The following SLC44A3 variants were observed in gnomAD, a reference collection of about 807,000 sequenced individuals.
The protein encoded by SLC44A3 is choline transporter-like protein 3.
SLC44A3 carries 74 observed loss-of-function variants against 75.4 expected under a neutral mutation model. The ratio of observed to expected loss-of-function variants is 0.98; its 90% CI spans 0.81 to 1.19. The LOEUF (loss-of-function observed/expected upper bound fraction) is 1.19, where lower values mean the gene tolerates loss of function less well. Among genes scored for constraint, SLC44A3 ranks in the 50% most tolerant of loss-of-function variants. The pLI is 0.00. For synonymous variants in SLC44A3, 310 were observed against 296.9 expected (o/e 1.04, Z -0.45); for missense variants, 700 against 778.6 (o/e 0.90, Z 1.20).
In SLC44A3 at chr1:94,892,254, T is replaced by C. The variant is rs760894960; in HGVS notation, c.1621-27T>C. ...CATCTAAGCAACTGATTCATAAAGA[T>C]TTTCAACAAACTCTTCTTTTGCACA... On this transcript the variant is annotated intron_variant, in intron 13 of 14. Coordinates refer to ENST00000271227, the MANE Select transcript of SLC44A3 (RefSeq NM_001114106.3). 1.9e-6 allele frequency: 3 copies of C among 1,592,364 alleles called. No homozygotes were observed. In the South Asian group the frequency reaches 3.4e-5, roughly 18 times the overall value.
intron 12 of SLC44A3, among the ~76,000 whole-genome samples, chr1:94,888,494 A>G (rs983083077): frequency 6.6e-6 from 1 of 152,198 alleles, no homozygotes; most frequent in Non-Finnish European, 1.5e-5. Context: ...GTTAAATAAT[A>G]TGAGTAAATG....
chr1:94,883,354 T>C (rs1370956608), intron 12 of SLC44A3, among the ~76,000 whole-genome samples: 1 of 151,978 alleles, frequency 6.6e-6, no homozygotes, highest in Non-Finnish European at 1.5e-5. Flanking sequence ...CTACACAAAC[T>C]TTGCCAGGTG....
chr1:94,876,079 A>T (rs1284543778), intron 12 of SLC44A3, among the ~76,000 whole-genome samples: 2 of 152,156 alleles, frequency 1.3e-5, no homozygotes, highest in Non-Finnish European at 2.9e-5. Flanking sequence ...CCCACAGGTT[A>T]TTGTGTGCAG....
rs1046407194 is a variant in SLC44A3 at position 94,867,527 on chromosome 1, C to T, written c.1482+110C>T. ...TCTCTAAGGGGCTAAATTGTGTAAA[C>T]ATTTTAGGCTTTCAGACCAGTCTCT... On this transcript the variant is annotated intron_variant, in intron 12 of 14. Coordinates refer to ENST00000271227, the MANE Select transcript of SLC44A3 (RefSeq NM_001114106.3). The T allele has an allele frequency of 3.3e-5, 24 of 737,776 alleles. No individual in the cohort carries two copies. The African/African-American group carries it at 4.3e-4, about 13-fold the overall frequency. 45.7% of individuals were successfully genotyped at this position (737,776 alleles called of 1,614,324 possible). A position where few individuals can be genotyped will look rare whatever the true frequency, so the allele number is the denominator to read the frequency against.
rs554477157 is a variant in SLC44A3, at chr1:94,839,848, A to G, written c.671-100A>G. On this transcript the variant is annotated intron_variant, in intron 6 of 14. Transcript: ENST00000271227. ...TATTTAGAGATTGAATACAATCCTCAGCCGTCACTGTTCTGGAGGGTTTTG... is the reference window on the plus strand; with the variant it reads ...TATTTAGAGATTGAATACAATCCTCGGCCGTCACTGTTCTGGAGGGTTTTG... The G allele has an allele frequency of 1.5e-5, 12 of 818,126 alleles. No homozygotes were observed. In the East Asian group the frequency reaches 2.2e-4, roughly 15 times the overall value. 50.7% of individuals were successfully genotyped at this position (818,126 alleles called of 1,614,324 possible).
At chr1:94,836,965 A>G (rs1321567193) in intron 5 of SLC44A3, 18 of 151,866 alleles carry the variant, frequency 1.2e-4, no homozygotes, top group Admixed American at 1.2e-3. Context: ...AATGTAGTAT[A>G]TGTACACATA....
At chr1:94,821,494 C>T (rs1438467790) in intron 2 of SLC44A3, among the ~76,000 whole-genome samples, 1 of 152,050 alleles carries the variant, frequency 6.6e-6, no homozygotes, top group South Asian at 2.1e-4. Context: ...CACACACGCG[C>T]GCGAGAGATA....
intron 9 of SLC44A3, among the ~76,000 whole-genome samples, chr1:94,856,728 C>G (rs1337541370): frequency 3.3e-5 from 5 of 151,974 alleles, no homozygotes; most frequent in African/African-American, 7.2e-5. Flanking sequence ...CTTGCCTCTT[C>G]TTCTTCTTCT....
At chr1:94,821,163 G>C in intron 2 of SLC44A3, 107 bp downstream of exon 2, 1 of 825,004 alleles carries the variant, frequency 1.2e-6, no homozygotes, top group Non-Finnish European at 1.9e-6. Context: ...AGAGACTTCT[G>C]CCGTTAACCC....
intron 12 of SLC44A3, among the ~76,000 whole-genome samples, chr1:94,884,165 C>T (rs368540787): frequency 2.0e-5 from 3 of 152,356 alleles, no homozygotes; most frequent in South Asian, 2.1e-4. Flanking sequence ...GTTTGTCCTT[C>T]CTTCTTCCAC....
At chr1:94,870,082 G>C (rs923793446) in intron 12 of SLC44A3, among the ~76,000 whole-genome samples, 1 of 152,254 alleles carries the variant, frequency 6.6e-6, no homozygotes, top group Non-Finnish European at 1.5e-5. Context: ...CCCAGCCTAA[G>C]GCTGCACAGG....
At chr1:94,856,063 G>T (rs1054385022) in intron 9 of SLC44A3, among the ~76,000 whole-genome samples, 1 of 152,166 alleles carries the variant, frequency 6.6e-6, no homozygotes, top group African/African-American at 2.4e-5. Context: ...CTAATTCAAG[G>T]ACTTCTTTAG....
At chr1:94,874,257 C>A (rs1219407869) in intron 12 of SLC44A3, among the ~76,000 whole-genome samples, 1 of 152,236 alleles carries the variant, frequency 6.6e-6, no homozygotes, top group African/African-American at 2.4e-5. Flanking sequence ...TTTCCTGGTG[C>A]ATGGTTCAGA....
intron 10 of SLC44A3, among the ~76,000 whole-genome samples, chr1:94,860,868 G>C (rs1484854519): frequency 6.6e-6 from 1 of 152,204 alleles, no homozygotes; most frequent in Admixed American, 6.5e-5. Context: ...AGCAGAGCAA[G>C]GAATTCCCAG....
chr1:94,892,178 C>T, intron 13 of SLC44A3, 103 bp from the exon 14 acceptor site: 1 of 1,021,674 alleles, frequency 9.8e-7, no homozygotes, highest in South Asian at 1.5e-5. Flanking sequence ...AGTGCACACA[C>T]ACGTTGCACA....
Position 94,820,386 on chromosome 1 carries a change from G to C in SLC44A3, c.-66G>C. 1 of 1,403,410 alleles carries C rather than the reference G, an allele frequency of 7.1e-7. No individual in the cohort carries two copies. Among genetic ancestry groups the C allele is most frequent in the African/African-American group, 1.5e-5 (1 of 66,144 alleles). 86.9% of individuals were successfully genotyped at this position (1,403,410 alleles called of 1,614,324 possible). A position where few individuals can be genotyped will look rare whatever the true frequency, so the allele number is the denominator to read the frequency against. On this transcript the variant is annotated 5_prime_UTR_variant, in exon 1 of 15. Transcript: ENST00000271227. The stretch of plus-strand genomic sequence containing the variant: ...CCGGCCCCGGCCCCGGCTCGCGGGC[G>C]CTGCGTCTCCGCGTACAGGAGGCGG...
At chr1:94,846,709 C>T (rs769209854) in intron 9 of SLC44A3, among the ~76,000 whole-genome samples, 7 of 152,232 alleles carry the variant, frequency 4.6e-5, no homozygotes, top group Non-Finnish European at 1.0e-4. Flanking sequence ...AAATTCAGTA[C>T]ACATGGATGC....
chr1:94,847,083 A>G (rs72718226), intron 9 of SLC44A3, among the ~76,000 whole-genome samples: 6,687 of 152,368 alleles, frequency 0.044, 209 homozygotes, highest in Middle Eastern at 0.071. Context: ...ATAATTACCC[A>G]GGGAGGAACA....
intron 8 of SLC44A3, 34 bp downstream of exon 8, chr1:94,842,158 G>A: frequency 6.4e-7 from 1 of 1,565,178 alleles, no homozygotes; most frequent in African/African-American, 1.4e-5. Context: ...AGGTCAGGTA[G>A]CCAGCCAGGA....
Sources: allele counts gnomAD v4.1 joint callset (sites outside exome capture counted in the v4.1 genomes callset), GRCh38; gene constraint gnomAD v4.1.1; transcripts MANE v1.5; gene names NCBI Gene and HGNC (gene_info 2026-07-23, HGNC 2026-07-21).